KDM6B: variants seen among roughly 807,000 people sequenced by gnomAD.
The protein encoded by KDM6B is lysine-specific demethylase 6B.
A neutral mutation model predicts 150.4 loss-of-function variants in KDM6B; 22 were observed. The observed-to-expected ratio is 0.15, with a 90% confidence interval of 0.10 to 0.21. KDM6B has a LOEUF of 0.21. KDM6B is among the 10% of genes least tolerant of loss of function. KDM6B has a pLI of 1.00. For missense variants in KDM6B, 1,984 were observed against 2,234.3 expected (o/e 0.89, Z 2.26); for synonymous variants, 1,148 against 921.1 (o/e 1.25, Z -4.46).
At chr17:7,846,371 G>GGGGCGGGC in intron 7 of KDM6B, 29 bp from the exon 8 acceptor site, 4 of 1,488,878 alleles carry the variant, frequency 2.7e-6, no homozygotes, top group Non-Finnish European at 3.7e-6. Flanking sequence ...CCTGACATCT[G>GGGGCGGGC]CCCCTGCCCC....
Position 7,854,684 on chromosome 17 carries a change from C to G in KDM6B, c.*1163C>G. On this transcript the variant is annotated 3_prime_UTR_variant, in exon 24 of 24. Transcript: ENST00000448097. Reference sequence around the variant, plus strand: ...TGGGGGGTTTACAGTCCCGCACCCTCGCACTGCACTGTCTCTCTGCCCCAG... The same window carrying G: ...TGGGGGGTTTACAGTCCCGCACCCTGGCACTGCACTGTCTCTCTGCCCCAG... 5.3e-6 allele frequency: 1 copy of G among 189,046 alleles called. No individual in the cohort carries two copies. The highest frequency in any genetic ancestry group is 8.9e-5 in the South Asian group (1 of 11,296). 11.7% of individuals were successfully genotyped at this position (189,046 alleles called of 1,614,324 possible).
Position 7,838,886 on chromosome 17 carries a change from G to A in KDM6B, c.-387-1020G>A, listed in dbSNP as rs1233995823. Among the ~76,000 whole-genome samples, 8 of 152,088 alleles carry A rather than the reference G, an allele frequency of 5.3e-5. No individual in the cohort carries two copies. In the East Asian group the frequency reaches 1.5e-3, roughly 29 times the overall value. ...CCTGGCTTAGGAAGGAGGCCTTGGT[G>A]GGTCACAAATAGCACCTCCCTGGGG... On this transcript the variant is annotated intron_variant, in intron 1 of 23. Coordinates refer to ENST00000448097, the MANE Select transcript of KDM6B (RefSeq NM_001348716.2).
Position 7,845,303 on chromosome 17 carries a change from C to T in KDM6B, c.-148-11C>T, listed in dbSNP as rs1213315336. On this transcript the variant is annotated splice_polypyrimidine_tract_variant and intron_variant, in intron 3 of 23. Transcript: ENST00000448097. ...TGGCCAGCTCGTCTCACTCCTTTTC[C>T]TTCTCTCTAGAATTGGCTGTGAAAG... The T allele has an allele frequency of 1.7e-6, 1 of 602,352 alleles. No homozygotes were observed. Among genetic ancestry groups the T allele is most frequent in the Non-Finnish European group, 3.0e-6 (1 of 335,678 alleles). 37.3% of individuals were successfully genotyped at this position (602,352 alleles called of 1,614,324 possible).
rs1347026551 is a variant in KDM6B, at chr17:7,851,001, T to C, written c.3674-20T>C. ...ATCCTCTGCCTCTGCCCCGACACCC[T>C]GCTCGGCCCTCCCTTCCAGACTTGG... On this transcript the variant is annotated intron_variant, in intron 14 of 23. Coordinates refer to ENST00000448097, the MANE Select transcript of KDM6B (RefSeq NM_001348716.2). The C allele has an allele frequency of 6.3e-7, 1 of 1,580,310 alleles. No individual in the cohort carries two copies. Among genetic ancestry groups the C allele is most frequent in the South Asian group, 1.1e-5 (1 of 87,740 alleles).
At position 7,846,845 on chromosome 17, in the gene KDM6B, G is replaced by C. The variant is rs1246821624; in HGVS notation, c.738G>C (p.Leu246=). The C allele has an allele frequency of 6.2e-7, 1 of 1,600,924 alleles. No homozygotes were observed. The highest frequency in any genetic ancestry group is 8.5e-7 in the Non-Finnish European group (1 of 1,176,188). ...CTGGCCTTCCCCCAGGGCTGCCACT[G>C]CCTCCACCACCATTACCACCACCAC... is the stretch of plus-strand genomic sequence containing the variant. ...EQTGLPPGLP[L]PPPPLPPPPP... The change falls in exon 10 of 24, where the codon CTG becomes CTC. Residue 246 remains leucine, a synonymous_variant. Transcript: ENST00000448097.
Position 7,844,991 on chromosome 17 carries a change from G to GATAAC in KDM6B, c.-178_-177insATAAC. 1 of 183,582 alleles carries GATAAC rather than the reference G, an allele frequency of 5.4e-6. No individual in the cohort carries two copies. The highest frequency in any genetic ancestry group is 9.3e-5 in the South Asian group (1 of 10,806). 11.4% of individuals were successfully genotyped at this position (183,582 alleles called of 1,614,324 possible). A position where few individuals can be genotyped will look rare whatever the true frequency, so the allele number is the denominator to read the frequency against. ...GGCCAGATCTCTGGAGCTTGCCGAC[G>GATAAC]CGGTGTGAGGACGCTCCCACGGAGG... On this transcript the variant is annotated 5_prime_UTR_variant, in exon 3 of 24. Coordinates refer to ENST00000448097, the MANE Select transcript of KDM6B (RefSeq NM_001348716.2). This position sits in a 1 kb window ranked among gnomAD's most constrained non-coding sequence, Gnocchi z 5.9.
Position 7,852,595 on chromosome 17 carries a change from C to T in KDM6B, c.4569C>T (p.Arg1523=). Residue 1523 remains arginine (R), a synonymous_variant, in exon 21 of 24, where the codon CGC becomes CGT. Transcript: ENST00000448097. ...PMIHVSWNVA[R]TVKISDPDLF... ...TTCACGTGTCATGGAACGTGGCTCG[C>T]ACGGTCAAAATCAGCGACCCCGACT... 1 of 1,614,068 alleles carries T rather than the reference C, an allele frequency of 6.2e-7. No individual in the cohort carries two copies. The highest frequency in any genetic ancestry group is 1.1e-5 in the South Asian group (1 of 91,082).
rs569467792 is a variant in KDM6B at position 7,843,907 on chromosome 17, G to T, written c.-268-994G>T. The stretch of plus-strand genomic sequence containing the variant: ...AAGAGAGGGGAGCGCTGTGCCAGTC[G>T]GGGGTCCAGTCGGCACCAAAGCGAA... On this transcript the variant is annotated intron_variant, in intron 2 of 23. Transcript: ENST00000448097. This position sits in a 1 kb window ranked among gnomAD's most constrained non-coding sequence, Gnocchi z 4.5. Among the ~76,000 whole-genome samples the T allele has an allele frequency of 5.9e-5, 9 of 152,128 alleles. No homozygotes were observed. The highest frequency in any genetic ancestry group is 1.9e-4 in the African/African-American group (8 of 41,488).
rs748451321 is a variant in KDM6B at position 7,852,155 on chromosome 17, C to T, written c.4287C>T (p.Gly1429=). The change falls in exon 20 of 24, where the codon GGC becomes GGT. Residue 1429 remains glycine, a synonymous_variant. Coordinates refer to ENST00000448097, the MANE Select transcript of KDM6B (RefSeq NM_001348716.2). ...ETISAFCDRH[G]VDYLTGSWWP... Reference sequence around the variant, plus strand: ...ACCTGTGGCCACCCCGCAGGCACGGCGTGGACTACTTGACGGGTTCCTGGT... The same window carrying T: ...ACCTGTGGCCACCCCGCAGGCACGGTGTGGACTACTTGACGGGTTCCTGGT... 5.6e-6 allele frequency: 9 copies of T among 1,614,080 alleles called. No individual in the cohort carries two copies. The South Asian group carries it at 8.8e-5, about 16-fold the overall frequency.
chr17:7,840,412 C>T (rs905495004), intron 2 of KDM6B: 6 of 152,204 alleles, frequency 3.9e-5, no homozygotes, highest in Admixed American at 3.3e-4. Context: ...GTTGAACACC[C>T]TGGCTTTTGG....
rs2078637597 is a variant in KDM6B, at chr17:7,849,192, G to A, written c.2904G>A (p.Val968=). ...AGGAGGCTGGCGGGGTGGCGGCAGT[G>A]TCAGGCAGCTGTAAGCGGCGACAGA... ...AKEEAGGVAA[V]SGSCKRRQKE... Residue 968 remains valine, a synonymous_variant, in exon 12 of 24, where the codon GTG becomes GTA. Transcript: ENST00000448097. 2 of 1,606,178 alleles carry A rather than the reference G, an allele frequency of 1.2e-6. No individual in the cohort carries two copies. The highest frequency in any genetic ancestry group is 2.2e-5 in the South Asian group (2 of 90,218).
In KDM6B at chr17:7,847,096, C is replaced by T. The variant is rs570073127; in HGVS notation, c.910-9C>T. On this transcript the variant is annotated splice_polypyrimidine_tract_variant and intron_variant, in intron 10 of 23. Transcript: ENST00000448097. ...TTCCTCATCCTGCATCCCTGTTTAT[C>T]TCCTATAGGAGCAGCGGCACTCGCT... The T allele has an allele frequency of 1.9e-6, 3 of 1,612,226 alleles. No homozygotes were observed. Among genetic ancestry groups the T allele is most frequent in the African/African-American group, 2.7e-5 (2 of 74,880 alleles).
At position 7,850,137 on chromosome 17, in the gene KDM6B, C is replaced by G. The variant is rs1057267798; in HGVS notation, c.3633C>G (p.Pro1211=). ...LLQFCTDPRN[P]ITVIRGLAGS... is the part of the protein sequence containing the mutation. ...AGTTCTGTACAGACCCTCGAAATCC[C>G]ATCACAGTGATCCGGGGCCTGGCGG... The change falls in exon 14 of 24, where the codon CCC becomes CCG. Residue 1211 remains proline (P), a synonymous_variant. Coordinates refer to ENST00000448097, the MANE Select transcript of KDM6B (RefSeq NM_001348716.2). The G allele has an allele frequency of 1.2e-6, 2 of 1,613,722 alleles. No individual in the cohort carries two copies. The highest frequency in any genetic ancestry group is 1.7e-5 in the Admixed American group (1 of 60,010).
In KDM6B at chr17:7,848,570, C is replaced by G. The variant is rs137945821; in HGVS notation, c.2282C>G (p.Thr761Ser). 2,071 of 1,607,058 alleles carry G rather than the reference C, an allele frequency of 1.3e-3. 2 individuals carry two copies. The highest frequency in any genetic ancestry group is 1.7e-3 in the Non-Finnish European group (1,955 of 1,177,704). ...ACCACCACCACCACCACCACCACCA[C>G]CACGGCCACCCAGGAAGAGGAGAAG... ...VTTTTTTTTT[T>S]TATQEEEKKP... is the part of the protein sequence containing the mutation. The change falls in exon 12 of 24, where the codon ACC becomes AGC. Residue 761 changes from threonine (T) to serine (S), a missense_variant. Physicochemically the swap from Thr to Ser is moderately conservative, Grantham distance 58. Coordinates refer to ENST00000448097, the MANE Select transcript of KDM6B (RefSeq NM_001348716.2).
In KDM6B at chr17:7,849,973, C is replaced by A. The variant is rs762092338; in HGVS notation, c.3567+26C>A. On this transcript the variant is annotated intron_variant, in intron 13 of 23. Transcript: ENST00000448097. Reference sequence around the variant, plus strand: ...GTATGTGTGCCACTTGGCCTCAGAACCACCCCTGCCAGAGGGTTCTAAGAC... The same window carrying A: ...GTATGTGTGCCACTTGGCCTCAGAAACACCCCTGCCAGAGGGTTCTAAGAC... 3 of 1,613,600 alleles carry A rather than the reference C, an allele frequency of 1.9e-6. No homozygotes were observed. The Admixed American group carries it at 5.0e-5, about 27-fold the overall frequency.
chr17:7,853,293 G>A lies in KDM6B; in HGVS notation c.4821G>A (p.Arg1607=). 1 of 1,604,162 alleles carries A rather than the reference G, an allele frequency of 6.2e-7. No individual in the cohort carries two copies. Among genetic ancestry groups the A allele is most frequent in the Non-Finnish European group, 8.5e-7 (1 of 1,176,104 alleles). The change falls in exon 23 of 24, where the codon CGG becomes CGA. Residue 1607 remains arginine (R), a synonymous_variant. Coordinates refer to ENST00000448097, the MANE Select transcript of KDM6B (RefSeq NM_001348716.2). ...TGGTACACTGCGAGGGCTGTGCCCG[G>A]CGCCGCAGCGCAGGCCTGCAGGGCG... The part of the protein sequence containing the change: ...TYLVHCEGCA[R]RRSAGLQGVV...
At chr17:7,850,278 G>A (rs953718941) in intron 14 of KDM6B, 101 bp downstream of exon 14, 53 of 924,294 alleles carry the variant, frequency 5.7e-5, no homozygotes, top group South Asian at 2.2e-4. Flanking sequence ...GACAGTGGCC[G>A]TGAGGAGTCC....
At chr17:7,846,371 G>GGGGCGGGGCCGGGGGCCCCCCCCCCC in intron 7 of KDM6B, 29 bp from the exon 8 acceptor site, 3 of 1,488,924 alleles carry the variant, frequency 2.0e-6, no homozygotes, top group Non-Finnish European at 2.8e-6. Context: ...CCTGACATCT[G>GGGGCGGGGCCGGGGGCCCCCCCCCCC]CCCCTGCCCC....
At chr17:7,846,772 G>A (rs963425437) in intron 9 of KDM6B, 32 bp downstream of exon 9, 1 of 1,613,948 alleles carries the variant, frequency 6.2e-7, no homozygotes, top group South Asian at 1.1e-5. Flanking sequence ...CAGGCAGTAA[G>A]TAGGCAGGAC....
Sources: allele counts gnomAD v4.1 joint callset (sites outside exome capture counted in the v4.1 genomes callset), GRCh38; gene constraint gnomAD v4.1.1; non-coding constraint Gnocchi (gnomAD v3.1); transcripts MANE v1.5; gene names NCBI Gene and HGNC (gene_info 2026-07-23, HGNC 2026-07-21).